BRPF3: variants seen among roughly 807,000 people sequenced by gnomAD.
BRPF3 encodes the protein bromodomain and PHD finger-containing protein 3.
BRPF3 carries 18 observed loss-of-function variants against 102.0 expected under a neutral mutation model. The observed-to-expected ratio is 0.18, with a 90% CI of 0.12 to 0.26. The LOEUF (loss-of-function observed/expected upper bound fraction) is 0.26. BRPF3 is among the 10% of genes least tolerant of loss of function. BRPF3 has a pLI of 1.00. For missense variants in BRPF3, 1,147 were observed against 1,567.8 expected, an observed-to-expected ratio of 0.73 and a Z score of 4.53; for synonymous variants, 570 against 614.2, an observed-to-expected ratio of 0.93 and a Z score of 1.06.
intron 3 of BRPF3, among the ~76,000 whole-genome samples, chr6:36,205,900 A>T (rs896711238): frequency 1.3e-5 from 2 of 152,184 alleles, no homozygotes; most frequent in African/African-American, 4.8e-5. Context: ...TTTGTAACTC[A>T]AATATTGGAA....
intron 8 of BRPF3, among the ~76,000 whole-genome samples, chr6:36,217,261 C>T (rs1768361633): frequency 6.6e-6 from 1 of 152,170 alleles, no homozygotes; most frequent in Non-Finnish European, 1.5e-5. Context: ...ACCTGTGTTT[C>T]AGAGCCCAGC....
chr6:36,218,657 C>T (rs554445876), intron 9 of BRPF3, among the ~76,000 whole-genome samples: 1 of 152,124 alleles, frequency 6.6e-6, no homozygotes, highest in East Asian at 1.9e-4. Context: ...TGAGGTTTCA[C>T]CATGTTGGCC....
At chr6:36,220,284 T>C (rs1157804659) in intron 9 of BRPF3, among the ~76,000 whole-genome samples, 2 of 152,246 alleles carry the variant, frequency 1.3e-5, no homozygotes, top group Non-Finnish European at 2.9e-5. Flanking sequence ...TGTAATACTT[T>C]AAGTAAGACA....
Position 36,210,306 on chromosome 6 carries a change from G to C in BRPF3, c.1957G>C (p.Glu653Gln). The C allele has an allele frequency of 6.2e-7, 1 of 1,614,226 alleles. No individual in the cohort carries two copies. The highest frequency in any genetic ancestry group is 2.2e-5 in the East Asian group (1 of 44,884). ...GTCCCACCTGTACCGCACCTTGGAG[G>C]AGTTTGAGGAGGACTTTAACCTTAT... ...LESHLYRTLE[E>Q]FEEDFNLIVT... The change falls in exon 6 of 13, where the codon GAG (glutamate) becomes CAG (glutamine). Residue 653 changes from glutamate (E) to glutamine (Q), a missense_variant. Physicochemically the swap from Glu to Gln is conservative, Grantham distance 29. This residue lies in a region of BRPF3 where 109 missense variants were observed against 175.1 expected (regional missense o/e 0.62). Transcript: ENST00000357641. The surrounding 1 kb of genome is among the most constrained non-coding windows in gnomAD (Gnocchi z 4.7).
rs1768382941 is a variant in BRPF3, at chr6:36,217,805, A to G, written c.2990-112A>G. 7 of 735,440 alleles carry G rather than the reference A, an allele frequency of 9.5e-6. No individual in the cohort carries two copies. The Admixed American group carries it at 1.6e-4, about 17-fold the overall frequency. The allele number at this position is 735,440 out of a possible 1,614,324, so 45.6% of individuals were successfully genotyped here. A position where few individuals can be genotyped will look rare whatever the true frequency, so the allele number is the denominator to read the frequency against. ...ACCCATTTCTCACAGGGAAAGGAAT[A>G]GCCATCCTCTCCACTCGTCACTGAG... On this transcript the variant is annotated intron_variant, in intron 8 of 12. Transcript: ENST00000357641.
chr6:36,221,662 C>CG (rs1420041011), intron 9 of BRPF3, among the ~76,000 whole-genome samples: 114 of 152,240 alleles, frequency 7.5e-4, no homozygotes, highest in African/African-American at 2.6e-3. Flanking sequence ...GTGAGAAGTG[C>CG]ATTTTTTTTT....
intron 9 of BRPF3, among the ~76,000 whole-genome samples, chr6:36,221,335 G>A (rs1768534396): frequency 7.0e-6 from 1 of 142,420 alleles, no homozygotes; most frequent in Admixed American, 7.3e-5. Flanking sequence ...TCGCCAGGCT[G>A]GAGTGCAGTA....
In BRPF3 at chr6:36,210,986, G is replaced by T. The variant is rs1205037160; in HGVS notation, c.2180-272G>T. Among the ~76,000 whole-genome samples the T allele has an allele frequency of 6.6e-6, 1 of 152,206 alleles. No individual in the cohort carries two copies. The highest frequency in any genetic ancestry group is 2.4e-5 in the African/African-American group (1 of 41,446). On this transcript the variant is annotated intron_variant, in intron 6 of 12. Coordinates refer to ENST00000357641, the MANE Select transcript of BRPF3 (RefSeq NM_015695.3). This position sits in a 1 kb window ranked among gnomAD's most constrained non-coding sequence, Gnocchi z 4.7. ...GGCAGCAGCCAGTCACTCAGGCCAG[G>T]GTATTGCCAAGCTGCCTCATGCCTG...
rs905645857 is a variant in BRPF3 at position 36,201,618 on chromosome 6, A to G, written c.1296A>G (p.Glu432=). 20 of 1,614,018 alleles carry G rather than the reference A, an allele frequency of 1.2e-5. No homozygotes were observed. The highest frequency in any genetic ancestry group is 4.0e-5 in the African/African-American group (3 of 74,938). ...AAGAGGTGGAGGAAGAAGAGCAGGAAGCTCAAGGCGGGGTGAGTGGCTCCC... is the reference window on the plus strand; with the variant it reads ...AAGAGGTGGAGGAAGAAGAGCAGGAGGCTCAAGGCGGGGTGAGTGGCTCCC... ...EEEEVEEEEQ[E]AQGGVSGSLK... is the part of the protein sequence containing the mutation. The change falls in exon 2 of 13, where the codon GAA becomes GAG. Residue 432 remains glutamate (E), a synonymous_variant. Transcript: ENST00000357641. This position sits in a 1 kb window ranked among gnomAD's most constrained non-coding sequence, Gnocchi z 5.1.
At chr6:36,227,357 G>A (rs145424738) in intron 11 of BRPF3, among the ~76,000 whole-genome samples, 7 of 152,078 alleles carry the variant, frequency 4.6e-5, no homozygotes, top group South Asian at 2.1e-4. Flanking sequence ...ATTTTGTATC[G>A]TTCTATTTAT....
intron 8 of BRPF3, among the ~76,000 whole-genome samples, chr6:36,215,919 T>C (rs758393543): frequency 7.2e-5 from 11 of 152,186 alleles, no homozygotes; most frequent in Non-Finnish European, 1.5e-4. Context: ...TCATGTACTT[T>C]TATGTGGTGA....
intron 4 of BRPF3, 28 bp downstream of exon 4, chr6:36,207,472 C>T: frequency 6.2e-7 from 1 of 1,610,456 alleles, no homozygotes; most frequent in Non-Finnish European, 8.5e-7. Context: ...GCCCTAGGGC[C>T]CTAGTTCAAG....
rs771975195 is a variant in BRPF3, at chr6:36,201,727, T to C, written c.1405T>C (p.Ser469Pro). The C allele has an allele frequency of 1.9e-6, 3 of 1,612,996 alleles. No homozygotes were observed. The highest frequency in any genetic ancestry group is 2.5e-6 in the Non-Finnish European group (3 of 1,179,432). The change falls in exon 2 of 13, where the codon TCC (serine) becomes CCC (proline). Residue 469 changes from serine to proline, a missense_variant. Around this residue, in one of 11 missense-constraint regions of BRPF3, gnomAD observed 157 missense variants for 163.6 expected, o/e 0.96. Transcript: ENST00000357641. This position sits in a 1 kb window ranked among gnomAD's most constrained non-coding sequence, Gnocchi z 5.1. Reference protein sequence around the residue: ...EPEEAGQDTPSTLPMLAVPQI... With the variant: ...EPEEAGQDTPPTLPMLAVPQI... ...AGAGGAAGCAGGCCAAGACACACCC[T>C]CCACTCTCCCCATGCTTGCTGTCCC...
At chr6:36,216,079 G>A (rs1347157465) in intron 8 of BRPF3, among the ~76,000 whole-genome samples, 1 of 152,132 alleles carries the variant, frequency 6.6e-6, no homozygotes, top group Non-Finnish European at 1.5e-5. Flanking sequence ...CCTGGATTTA[G>A]GCATACCTGC....
In BRPF3 at chr6:36,218,678, T is replaced by C. The variant is rs370686711; in HGVS notation, c.3083+668T>C. 2.6e-5 allele frequency among the ~76,000 whole-genome samples: 4 copies of C among 152,208 alleles called. No homozygotes were observed. In the East Asian group the frequency reaches 5.8e-4, roughly 22 times the overall value. On this transcript the variant is annotated intron_variant, in intron 9 of 12. Transcript: ENST00000357641. ...TTCACCATGTTGGCCAGACTGGTCT[T>C]GAACTCCTGACCTCAAGTGATCTGC...
chr6:36,217,225 A>G (rs1768360550), intron 8 of BRPF3, among the ~76,000 whole-genome samples: 1 of 152,200 alleles, frequency 6.6e-6, no homozygotes, highest in Non-Finnish European at 1.5e-5. Flanking sequence ...GGAGAGGTCA[A>G]GAGACCTCAA....
At chr6:36,209,973 G>A (rs576516654) in intron 5 of BRPF3, 58 bp downstream of exon 5, 1 of 1,601,752 alleles carries the variant, frequency 6.2e-7, no homozygotes, top group African/African-American at 1.3e-5. Context: ...CAGGGTCTGA[G>A]TAGGCTAGGA....
rs1443808404 is a variant in BRPF3 at position 36,230,891 on chromosome 6, C to T, written c.*282C>T. Reference sequence around the variant, plus strand: ...AAACAGCTGTGGGGCTTGGGCCCAGCTTAGGAGATTGCCCAGATGGCAAGA... The same window carrying T: ...AAACAGCTGTGGGGCTTGGGCCCAGTTTAGGAGATTGCCCAGATGGCAAGA... On this transcript the variant is annotated 3_prime_UTR_variant, in exon 13 of 13. Transcript: ENST00000357641. The surrounding 1 kb of genome is among the most constrained non-coding windows in gnomAD (Gnocchi z 5.4). The T allele has an allele frequency of 2.4e-6, 1 of 414,898 alleles. No individual in the cohort carries two copies. Among genetic ancestry groups the T allele is most frequent in the East Asian group, 4.5e-5 (1 of 22,444 alleles). The allele number at this position is 414,898 out of a possible 1,614,324, so 25.7% of individuals were successfully genotyped here.
At chr6:36,221,917 G>T (rs1768558592) in intron 9 of BRPF3, among the ~76,000 whole-genome samples, 1 of 152,180 alleles carries the variant, frequency 6.6e-6, no homozygotes, top group Non-Finnish European at 1.5e-5. Flanking sequence ...AGGTTCCTGA[G>T]CAGGGAACTG....
Sources: allele counts gnomAD v4.1 joint callset (sites outside exome capture counted in the v4.1 genomes callset), GRCh38; gene constraint gnomAD v4.1.1; regional missense constraint gnomAD v4.1.1; non-coding constraint Gnocchi (gnomAD v3.1); transcripts MANE v1.5; gene names NCBI Gene and HGNC (gene_info 2026-07-23, HGNC 2026-07-21).